Variants in UPRT observed in about 807,000 individuals in gnomAD.
UPRT encodes the protein RP11-311P8.3.
In UPRT, 5 loss-of-function variants were observed where a neutral mutation model predicts 22.6. The observed-to-expected ratio is 0.22, with a 90% CI of 0.12 to 0.47. UPRT has a LOEUF of 0.47. Ranked by LOEUF, UPRT falls within the 20% of genes least tolerant of loss-of-function variation. The probability of loss-of-function intolerance (pLI) is 0.99; values close to 1 mark genes in which losing one functional copy is unlikely to be tolerated. For synonymous variants in UPRT, 77 were observed against 87.7 expected (o/e 0.88, Z 0.68); for missense variants, 181 against 239.9 (o/e 0.75, Z 1.62).
At chrX:75,244,465 C>G (rs963587941) in intron 4 of UPRT, among the ~76,000 whole-genome samples, 6 of 111,606 alleles carry the variant, frequency 5.4e-5, no homozygotes, top group African/African-American at 2.0e-4. Flanking sequence ...CCAAGGCAAT[C>G]TTAAGCAAAA....
At chrX:75,250,981 T>C (rs761486467) in intron 4 of UPRT, among the ~76,000 whole-genome samples, 4 of 112,005 alleles carry the variant, frequency 3.6e-5, no homozygotes, top group African/African-American at 1.3e-4. Flanking sequence ...TCTCAATAGA[T>C]GCAGAAAAGG....
upstream of UPRT, among the ~76,000 whole-genome samples, chrX:75,269,538 T>C (rs1470833416): frequency 8.9e-6 from 1 of 111,774 alleles, no homozygotes; most frequent in African/African-American, 3.3e-5. Flanking sequence ...AACAGCATGG[T>C]ACTGGTACCA....
intron 4 of UPRT, among the ~76,000 whole-genome samples, chrX:75,174,166 C>A (rs1370138497): frequency 8.9e-6 from 1 of 111,978 alleles, no homozygotes; most frequent in Non-Finnish European, 1.9e-5. Flanking sequence ...CCTCTCAATC[C>A]CCCCTCTAAA....
At chrX:75,196,168 T>C (rs889865668) in intron 4 of UPRT, among the ~76,000 whole-genome samples, 2 of 112,059 alleles carry the variant, frequency 1.8e-5, no homozygotes, top group Non-Finnish European at 3.8e-5. Flanking sequence ...AATTTTGTTA[T>C]TAAAAACTTT....
rs756339868 is a variant in UPRT at position 75,173,372 on chromosome X, G to T, written c.-447+5493G>T. ...TTACAATCCTTGAGCTAGACATAAA[G>T]GTTCTCCAAGGCCCCACCAGAGCAG... On this transcript the variant is annotated intron_variant, in intron 4 of 13. Transcript: ENST00000652605. 9.5e-4 allele frequency among the ~76,000 whole-genome samples: 105 copies of T among 110,991 alleles called. 2 individuals carry two copies. The highest frequency in any genetic ancestry group is 3.8e-4 in the Admixed American group (4 of 10,507).
At chrX:75,207,363 T>TGA (rs1366531183) in intron 4 of UPRT, among the ~76,000 whole-genome samples, 24 of 111,737 alleles carry the variant, frequency 2.1e-4, no homozygotes, top group African/African-American at 7.5e-4. Context: ...TTCTTGGAGT[T>TGA]TATTTTCAGC....
chrX:75,235,607 G>C (rs2082458949), intron 4 of UPRT, among the ~76,000 whole-genome samples: 1 of 111,818 alleles, frequency 8.9e-6, no homozygotes. Context: ...CCATGATCAA[G>C]TGGGCTTCAT....
At chrX:75,207,230 A>C (rs773209201) in intron 4 of UPRT, among the ~76,000 whole-genome samples, 1 of 110,461 alleles carries the variant, frequency 9.1e-6, no homozygotes, top group Non-Finnish European at 1.9e-5. Context: ...AAATGTTAAC[A>C]CTCCCTTTAG....
At chrX:75,250,861 C>G (rs1041243527) in intron 4 of UPRT, among the ~76,000 whole-genome samples, 8 of 111,895 alleles carry the variant, frequency 7.1e-5, no homozygotes, top group African/African-American at 1.9e-4. Flanking sequence ...AGCTTATCCA[C>G]CATGATCAAG....
chrX:75,159,525 G>A (rs901897843), intron 1 of UPRT, among the ~76,000 whole-genome samples: 1 of 111,637 alleles, frequency 9.0e-6, no homozygotes, highest in African/African-American at 3.3e-5. Flanking sequence ...TCTCAAGCCC[G>A]ATGCCAGACT....
chrX:75,219,740 A>C (rs1290499332), intron 4 of UPRT, among the ~76,000 whole-genome samples: 1 of 111,445 alleles, frequency 9.0e-6, no homozygotes, highest in Non-Finnish European at 1.9e-5. Context: ...ATTAGAGTTA[A>C]AGAGAAATGC....
intron 4 of UPRT, among the ~76,000 whole-genome samples, chrX:75,201,000 T>C (rs1018909312): frequency 8.9e-6 from 1 of 112,017 alleles, no homozygotes; most frequent in Non-Finnish European, 1.9e-5. Context: ...TAAGTCCAAA[T>C]ATTTAACATG....
intron 4 of UPRT, among the ~76,000 whole-genome samples, chrX:75,260,728 G>C (rs894508352): frequency 9.0e-6 from 1 of 111,485 alleles, no homozygotes; most frequent in African/African-American, 3.3e-5. Flanking sequence ...TCCAGGACTT[G>C]AACTCAGCTC....
chrX:75,273,758 G>T (rs887989930), upstream of UPRT, among the ~76,000 whole-genome samples: 15 of 111,766 alleles, frequency 1.3e-4, no homozygotes, highest in African/African-American at 4.6e-4. Flanking sequence ...CTGAAGATGC[G>T]GTTACTGAGA....
intron 1 of UPRT, among the ~76,000 whole-genome samples, chrX:75,280,543 C>T (rs907925141): frequency 1.8e-5 from 2 of 111,686 alleles, no homozygotes; most frequent in African/African-American, 3.3e-5. Context: ...TTCCCCACTT[C>T]ATATTTTTGT....
intron 1 of UPRT, among the ~76,000 whole-genome samples, chrX:75,159,770 A>ATTTTTT (rs35651743): frequency 4.3e-5 from 2 of 46,321 alleles, no homozygotes; most frequent in African/African-American, 5.9e-5. Flanking sequence ...CTTGCCTTAA[A>ATTTTTT]TTTTTTTTTT....
chrX:75,246,494 C>T (rs1201614762), intron 4 of UPRT, among the ~76,000 whole-genome samples: 4 of 110,721 alleles, frequency 3.6e-5, no homozygotes, highest in African/African-American at 6.6e-5. Flanking sequence ...TTTCTTAATC[C>T]AGTCTATCAT....
At chrX:75,238,037 A>G (rs753858058) in intron 4 of UPRT, among the ~76,000 whole-genome samples, 3 of 111,627 alleles carry the variant, frequency 2.7e-5, no homozygotes, top group South Asian at 7.6e-4. Context: ...TAAAGAATAA[A>G]TCTCACAGAA....
intron 1 of UPRT, among the ~76,000 whole-genome samples, chrX:75,279,535 T>C (rs1317734257): frequency 8.9e-6 from 1 of 111,940 alleles, no homozygotes; most frequent in Non-Finnish European, 1.9e-5. Flanking sequence ...AAAGGATAAT[T>C]AATGTAGCAA....
Sources: gnomAD v4.1 joint callset for allele counts (sites outside exome capture counted in the v4.1 genomes callset) on GRCh38, gnomAD v4.1.1 for gene constraint, MANE v1.5 for transcripts, NCBI Gene and HGNC (gene_info 2026-07-23, HGNC 2026-07-21) for gene names.